The following PSG3 variants were observed in gnomAD, a reference collection of about 807,000 sequenced individuals.
PSG3 encodes the protein pregnancy-specific beta-1-glycoprotein 3.
A neutral mutation model predicts 47.5 loss-of-function variants in PSG3; 61 were observed. The ratio of observed to expected loss-of-function variants is 1.28; its 90% CI spans 1.05 to 1.59. The LOEUF (loss-of-function observed/expected upper bound fraction) is 1.59, where lower values mean the gene tolerates loss of function less well. Ranked by LOEUF, PSG3 falls within the 40% of genes most tolerant of loss-of-function variation. PSG3 has a pLI of 0.00. For synonymous variants in PSG3, 263 were observed against 198.4 expected, an observed-to-expected ratio of 1.33 and a Z score of -2.74; for missense variants, 756 against 524.0, an observed-to-expected ratio of 1.44 and a Z score of -4.32.
chr19:42,727,395 G>A (rs1301031936), intron 5 of PSG3, among the ~76,000 whole-genome samples: 8 of 152,160 alleles, frequency 5.3e-5, no homozygotes, highest in Non-Finnish European at 7.4e-5. Context: ...TACATGAAAA[G>A]CTACAAGTCA....
rs370569350 is a variant in PSG3 at position 42,738,738 on chromosome 19, G to A, written c.416C>T (p.Thr139Ile). ...DGTRGETGHFTFTLYLETPKP... is the reference protein window; with the variant it reads ...DGTRGETGHFIFTLYLETPKP... ...GAGTCACTCACGGTATAAGGTGAAG[G>A]TGAAATGTCCAGTTTCTCCTCTAGT... The change falls in exon 2 of 7, where the codon ACC (threonine) becomes ATC (isoleucine). Residue 139 changes from threonine (T) to isoleucine (I), a missense_variant. By Grantham distance (89) the Thr-to-Ile change is moderately conservative (BLOSUM62 -1). Coordinates refer to ENST00000327495, the MANE Select transcript of PSG3 (RefSeq NM_021016.4). The A allele has an allele frequency of 1.2e-6, 2 of 1,613,770 alleles. No homozygotes were observed. Among genetic ancestry groups the A allele is most frequent in the Non-Finnish European group, 1.7e-6 (2 of 1,179,856 alleles).
Position 42,732,989 on chromosome 19 carries a change from G to A in PSG3, c.504C>T (p.Thr168=), listed in dbSNP as rs767838615. The change falls in exon 3 of 7, where the codon ACC becomes ACT. Residue 168 remains threonine, a synonymous_variant. Coordinates refer to ENST00000327495, the MANE Select transcript of PSG3 (RefSeq NM_021016.4). The stretch of plus-strand genomic sequence containing the variant: ...TTGCGTCCGGAGTCTCAGGATCACA[G>A]GTTAAGCTCACAGCCTCCATGTCCT... ...PREDMEAVSL[T]CDPETPDASY... 2.5e-6 allele frequency: 4 copies of A among 1,614,036 alleles called. No individual in the cohort carries two copies. In the South Asian group the frequency reaches 3.3e-5, roughly 13 times the overall value.
chr19:42,725,408 G>A (rs1161972869), intron 5 of PSG3, among the ~76,000 whole-genome samples: 2 of 152,006 alleles, frequency 1.3e-5, no homozygotes, highest in Non-Finnish European at 2.9e-5. Context: ...GGAAAAATAA[G>A]GATTAGAGTG....
intron 6 of PSG3, among the ~76,000 whole-genome samples, chr19:42,722,886 A>C (rs1969320775): frequency 6.6e-6 from 1 of 152,228 alleles, no homozygotes; most frequent in South Asian, 2.1e-4. Flanking sequence ...GGGAAGACTT[A>C]AAAATTACCA....
chr19:42,738,988 G>A lies in PSG3; in HGVS notation c.166C>T (p.His56Tyr), dbSNP rs745543071. The A allele has an allele frequency of 6.2e-7, 1 of 1,613,990 alleles. No homozygotes were observed. The highest frequency in any genetic ancestry group is 1.1e-5 in the South Asian group (1 of 91,074). Residue 56 changes from histidine to tyrosine, a missense_variant, in exon 2 of 7, where the codon CAC (histidine) becomes TAC (tyrosine). Physicochemically the swap from His to Tyr is moderately conservative, Grantham distance 83 (BLOSUM62 2). Transcript: ENST00000327495. ...SKGKDVLLLV[H>Y]NLPQNLAGYI... ...CCAGCAAGATTCTGGGGCAAATTGT[G>A]GACAAGTAGAAGAACGTCCTTCCCC...
At chr19:42,733,134 A>T in intron 2 of PSG3, 72 bp from the exon 3 acceptor site, 2 of 1,559,700 alleles carry the variant, frequency 1.3e-6, no homozygotes, top group Non-Finnish European at 1.7e-6. Context: ...TTTCAATCAG[A>T]GTTGGCATTT....
At chr19:42,735,058 G>A (rs1969540330) in intron 2 of PSG3, among the ~76,000 whole-genome samples, 1 of 152,180 alleles carries the variant, frequency 6.6e-6, no homozygotes, top group Admixed American at 6.5e-5. Context: ...TGTGGCACAG[G>A]CAGTAAAGCC....
At chr19:42,739,223 C>G in intron 1 of PSG3, 134 bp from the exon 2 acceptor site, 2 of 1,348,192 alleles carry the variant, frequency 1.5e-6, no homozygotes, top group South Asian at 2.9e-5. Flanking sequence ...CAAACACACA[C>G]ACACACACAA....
chr19:42,737,438 C>T lies in PSG3; in HGVS notation c.430+1286G>A, dbSNP rs191287121. 2.2e-3 allele frequency among the ~76,000 whole-genome samples: 330 copies of T among 152,250 alleles called. 2 individuals carry two copies. Among genetic ancestry groups the T allele is most frequent in the Admixed American group, 3.9e-3 (60 of 15,294 alleles). Reference sequence around the variant, plus strand: ...GAGTGGGGAAAGAAAACAAGGTCCTCTCCTTGATCCTCTTGTGACAGTGAC... The same window carrying T: ...GAGTGGGGAAAGAAAACAAGGTCCTTTCCTTGATCCTCTTGTGACAGTGAC... On this transcript the variant is annotated intron_variant, in intron 2 of 6. Coordinates refer to ENST00000327495, the MANE Select transcript of PSG3 (RefSeq NM_021016.4).
intron 2 of PSG3, among the ~76,000 whole-genome samples, chr19:42,735,479 G>T (rs1969548014): frequency 6.6e-6 from 1 of 151,830 alleles, no homozygotes; most frequent in Admixed American, 6.6e-5. Context: ...CCATTCTCCT[G>T]GCTTGGCCTC....
At chr19:42,725,756 TG>T (rs1320656556) in intron 5 of PSG3, among the ~76,000 whole-genome samples, 2 of 151,860 alleles carry the variant, frequency 1.3e-5, no homozygotes, top group East Asian at 3.9e-4. Context: ...CCTAGCATCT[TG>T]GGAGGCTGAA....
Position 42,736,211 on chromosome 19 carries a change from G to A in PSG3, c.430+2513C>T, listed in dbSNP as rs186474569. ...TATAATCCTTGACTGCTCAAATGTC[G>A]TTGGGCCAGAGTTTACAAAATTTGT... On this transcript the variant is annotated intron_variant, in intron 2 of 6. Transcript: ENST00000327495. Among the ~76,000 whole-genome samples, 24 of 152,266 alleles carry A rather than the reference G, an allele frequency of 1.6e-4. 1 individual carries two copies. The highest frequency in any genetic ancestry group is 4.1e-4 in the South Asian group (2 of 4,830).
intron 2 of PSG3, among the ~76,000 whole-genome samples, chr19:42,736,872 C>T (rs1969573032): frequency 1.3e-5 from 2 of 152,200 alleles, no homozygotes; most frequent in East Asian, 1.9e-4. Context: ...CTGCACCTTT[C>T]CTATTTCCTG....
chr19:42,737,060 C>T (rs1481242214), intron 2 of PSG3, among the ~76,000 whole-genome samples: 1 of 152,032 alleles, frequency 6.6e-6, no homozygotes, highest in Non-Finnish European at 1.5e-5. Flanking sequence ...GGCAGAGACA[C>T]CATGGCAGTG....
rs1279694556 is a variant in PSG3 at position 42,738,757 on chromosome 19, C to A, written c.397G>T (p.Gly133Ter). The change falls in exon 2 of 7, where the codon GGA becomes TGA. Residue 133 changes from glycine (G) to a stop codon, truncating the protein, a stop_gained. Coordinates refer to ENST00000327495, the MANE Select transcript of PSG3 (RefSeq NM_021016.4). LOFTEE classifies it high-confidence loss of function. ...HIVKRGDGTR[G>*]ETGHFTFTLY... ...GTGAAGGTGAAATGTCCAGTTTCTC[C>A]TCTAGTCCCATCACCTCGCTTTACG... 2 of 1,614,002 alleles carry A rather than the reference C, an allele frequency of 1.2e-6. No individual in the cohort carries two copies. Among genetic ancestry groups the A allele is most frequent in the South Asian group, 2.2e-5 (2 of 91,070 alleles).
At position 42,732,828 on chromosome 19, in the gene PSG3, G is replaced by C; in HGVS notation, c.665C>G (p.Pro222Arg). ...AGPYECEIRN[P>R]VSASRSDPVT... ...TGGGTCACTGCGGCTGGCACTCACT[G>C]GGTTCCGTATTTCACATTCATAGGG... The change falls in exon 3 of 7, where the codon CCA becomes CGA. Residue 222 changes from proline to arginine, a missense_variant. Physicochemically the swap from Pro to Arg is moderately radical, Grantham distance 103 (BLOSUM62 -2). Coordinates refer to ENST00000327495, the MANE Select transcript of PSG3 (RefSeq NM_021016.4). 6 of 1,614,170 alleles carry C rather than the reference G, an allele frequency of 3.7e-6. No individual in the cohort carries two copies. The highest frequency in any genetic ancestry group is 5.1e-6 in the Non-Finnish European group (6 of 1,180,016).
At chr19:42,738,046 A>G (rs1003007480) in intron 2 of PSG3, among the ~76,000 whole-genome samples, 2 of 152,160 alleles carry the variant, frequency 1.3e-5, no homozygotes, top group Non-Finnish European at 2.9e-5. Context: ...GCTTCTGGGG[A>G]CATTAGACTT....
At chr19:42,731,530 G>A (rs1969473477) in intron 3 of PSG3, among the ~76,000 whole-genome samples, 3 of 152,056 alleles carry the variant, frequency 2.0e-5, no homozygotes, top group Non-Finnish European at 4.4e-5. Context: ...AAGGCTGATT[G>A]CTATTTTCTA....
At chr19:42,732,711 C>T (rs959653233) in intron 3 of PSG3, 73 bp downstream of exon 3, 5 of 1,613,954 alleles carry the variant, frequency 3.1e-6, no homozygotes, top group Non-Finnish European at 4.2e-6. Flanking sequence ...CTGAGAGGGA[C>T]TGAGAGGCCT....
Sources: gnomAD v4.1 joint callset for allele counts (sites outside exome capture counted in the v4.1 genomes callset) on GRCh38, gnomAD v4.1.1 for gene constraint, MANE v1.5 for transcripts, NCBI Gene and HGNC (gene_info 2026-07-23, HGNC 2026-07-21) for gene names.